ATE1: variants seen among roughly 807,000 people sequenced by gnomAD.
ATE1 encodes the protein arginyltransferase 1, also known as arginyl-tRNA--protein transferase 1.
A neutral mutation model predicts 70.5 loss-of-function variants in ATE1; 36 were observed. That is an observed-to-expected ratio of 0.51 (90% CI 0.39 to 0.67). ATE1 has a LOEUF of 0.67. ATE1 is among the 30% of genes least tolerant of loss of function. The pLI is 0.00. For missense variants in ATE1, 593 were observed against 629.5 expected (o/e 0.94, Z 0.62); for synonymous variants, 232 against 219.3 (o/e 1.06, Z -0.51).
intron 10 of ATE1, among the ~76,000 whole-genome samples, chr10:121,808,478 C>T (rs1468007695): frequency 6.6e-6 from 1 of 152,134 alleles, no homozygotes. Context: ...TAATATAGCT[C>T]GTGATTTAAC....
intron 7 of ATE1, among the ~76,000 whole-genome samples, chr10:121,874,973 T>A (rs1949988316): frequency 7.0e-6 from 1 of 143,678 alleles, no homozygotes; most frequent in Admixed American, 7.2e-5. Context: ...ACCCCATCTC[T>A]ACTAAAAGAA....
intron 7 of ATE1, chr10:121,898,829 A>C: frequency 5.6e-6 from 9 of 1,612,784 alleles, no homozygotes; most frequent in Non-Finnish European, 7.6e-6. Context: ...AGAAAACAAC[A>C]GTTAACAATA....
chr10:121,810,730 TCTCA>T (rs2133464792), intron 10 of ATE1, among the ~76,000 whole-genome samples: 1 of 152,104 alleles, frequency 6.6e-6, no homozygotes, highest in South Asian at 2.1e-4. Context: ...TGAGACAGAG[TCTCA>T]CTGTGTCGCC....
At chr10:121,809,552 G>A (rs1947235078) in intron 10 of ATE1, among the ~76,000 whole-genome samples, 1 of 152,098 alleles carries the variant, frequency 6.6e-6, no homozygotes, top group Non-Finnish European at 1.5e-5. Context: ...TACTGCGAGT[G>A]CACCGCAGCT....
intron 11 of ATE1, 140 bp downstream of exon 11, chr10:121,790,029 T>TAC (rs3036895): frequency 0.1 from 70,992 of 708,088 alleles, 137 homozygotes; most frequent in South Asian, 0.13. Flanking sequence ...TCCTCTATCT[T>TAC]ACACACACAC....
intron 8 of ATE1, among the ~76,000 whole-genome samples, chr10:121,856,927 C>A (rs1278178438): frequency 6.6e-6 from 1 of 152,048 alleles, no homozygotes; most frequent in Non-Finnish European, 1.5e-5. Context: ...GTTTACTAAT[C>A]AAAAAAGCTA....
At chr10:121,764,486 A>T (rs1391666218) in intron 11 of ATE1, among the ~76,000 whole-genome samples, 1 of 6,098 alleles carries the variant, frequency 1.6e-4, no homozygotes, top group South Asian at 4.5e-3. Context: ...GTTCCTGCAA[A>T]AAAAAAAAAA....
intron 8 of ATE1, among the ~76,000 whole-genome samples, chr10:121,858,804 G>A (rs112040046): frequency 1.3e-5 from 2 of 151,388 alleles, no homozygotes; most frequent in Non-Finnish European, 2.9e-5. Flanking sequence ...GTATAAAAGC[G>A]ATATGTAAGG....
chr10:121,820,884 C>A (rs1947766782), intron 10 of ATE1, among the ~76,000 whole-genome samples: 1 of 152,194 alleles, frequency 6.6e-6, no homozygotes, highest in Non-Finnish European at 1.5e-5. Context: ...AAAATCGTTT[C>A]TTTTATTGTA....
Position 121,862,666 on chromosome 10 carries a change from G to A in ATE1, c.975+7340C>T, listed in dbSNP as rs1408480223. Among the ~76,000 whole-genome samples, 7 of 149,278 alleles carry A rather than the reference G, an allele frequency of 4.7e-5. No homozygotes were observed. In the East Asian group the frequency reaches 1.2e-3, roughly 25 times the overall value. On this transcript the variant is annotated intron_variant, in intron 8 of 11. Coordinates refer to ENST00000224652, the MANE Select transcript of ATE1 (RefSeq NM_001001976.3). Reference sequence around the variant, plus strand: ...TGAGATTACAAGCATGAGCTAACGCGCCAGGCCTCTTTTCTTCCTAACAGC... The same window carrying A: ...TGAGATTACAAGCATGAGCTAACGCACCAGGCCTCTTTTCTTCCTAACAGC...
chr10:121,794,323 A>G (rs1169307280), intron 10 of ATE1, among the ~76,000 whole-genome samples: 1 of 152,172 alleles, frequency 6.6e-6, no homozygotes, highest in Non-Finnish European at 1.5e-5. Flanking sequence ...CAAAAATATT[A>G]CCAACATGAA....
At chr10:121,799,785 C>A (rs1298119477) in intron 10 of ATE1, among the ~76,000 whole-genome samples, 1 of 152,158 alleles carries the variant, frequency 6.6e-6, no homozygotes, top group Admixed American at 6.5e-5. Flanking sequence ...TTTTAAATTA[C>A]ATTATGGTTT....
chr10:121,888,467 A>T (rs1564929887), intron 7 of ATE1, among the ~76,000 whole-genome samples: 1 of 152,176 alleles, frequency 6.6e-6, no homozygotes, highest in Non-Finnish European at 1.5e-5. Flanking sequence ...AAACCAAGTG[A>T]CAACAGACTT....
intron 10 of ATE1, among the ~76,000 whole-genome samples, chr10:121,807,549 A>T (rs1205928637): frequency 6.6e-6 from 1 of 152,180 alleles, no homozygotes; most frequent in African/African-American, 2.4e-5. Context: ...GATCTTTGTG[A>T]TTGGAGGAGA....
chr10:121,927,294 G>C (rs1952132312), intron 1 of ATE1: 1 of 984,920 alleles, frequency 1.0e-6, no homozygotes, highest in African/African-American at 1.7e-5. Flanking sequence ...AGAATCCCTC[G>C]CCGGTAGCGA....
intron 7 of ATE1, among the ~76,000 whole-genome samples, chr10:121,893,343 A>G (rs1427944056): frequency 1.3e-5 from 2 of 152,056 alleles, no homozygotes; most frequent in African/African-American, 2.4e-5. Context: ...GGACAATAAC[A>G]TGGAGAAAAT....
intron 8 of ATE1, among the ~76,000 whole-genome samples, chr10:121,841,881 C>T (rs1009221996): frequency 2.0e-5 from 3 of 152,048 alleles, no homozygotes; most frequent in African/African-American, 7.2e-5. Context: ...TACCCAAACA[C>T]CACCTGTTCC....
chr10:121,927,927 G>A lies in ATE1; in HGVS notation c.23C>T (p.Ser8Leu), dbSNP rs199668457. ...AGGGAAATAGTCCACGACGCTGGGC[G>A]AACCCCCCGCCCAGAAAGCCATGGC... MAFWAGG[S>L]PSVVDYFPSE... The change falls in exon 1 of 12, where the codon TCG becomes TTG. Residue 8 changes from serine (S) to leucine (L), a missense_variant. By Grantham distance (145) the Ser-to-Leu change is moderately radical. Around this residue, in one of 3 missense-constraint regions of ATE1, gnomAD observed 467 missense variants for 469.6 expected, o/e 0.99. Transcript: ENST00000224652. 3.4e-5 allele frequency: 54 copies of A among 1,577,858 alleles called. No homozygotes were observed. The highest frequency in any genetic ancestry group is 4.5e-5 in the Non-Finnish European group (53 of 1,165,206).
At chr10:121,834,090 A>C (rs1948348098) in intron 10 of ATE1, among the ~76,000 whole-genome samples, 1 of 152,202 alleles carries the variant, frequency 6.6e-6, no homozygotes, top group African/African-American at 2.4e-5. Flanking sequence ...CTGTTTCCTC[A>C]GTGTCTTTCT....
Sources: gnomAD v4.1 joint callset for allele counts (sites outside exome capture counted in the v4.1 genomes callset) on GRCh38, gnomAD v4.1.1 for gene constraint, gnomAD v4.1.1 regional missense constraint, MANE v1.5 for transcripts, NCBI Gene and HGNC (gene_info 2026-07-23, HGNC 2026-07-21) for gene names.